Variants in PCDHA5 observed in about 807,000 individuals in gnomAD.
The protein encoded by PCDHA5 is protocadherin alpha 5, also known as protocadherin alpha-5.
In PCDHA5, 43 loss-of-function variants were observed where a neutral mutation model predicts 61.6. That is an observed-to-expected ratio of 0.70 (90% CI 0.55 to 0.90). PCDHA5 has a LOEUF of 0.90. Ranked by LOEUF, PCDHA5 falls within the 40% of genes least tolerant of loss-of-function variation. The pLI, the probability that PCDHA5 is intolerant of heterozygous loss-of-function variation, is 0.00. For synonymous variants in PCDHA5, 627 were observed against 543.9 expected, an observed-to-expected ratio of 1.15 and a Z score of -2.13; for missense variants, 1,298 against 1,222.7, an observed-to-expected ratio of 1.06 and a Z score of -0.92.
chr5:140,952,724 C>T (rs1481919445), intron 1 of PCDHA5, among the ~76,000 whole-genome samples: 1 of 152,100 alleles, frequency 6.6e-6, no homozygotes, highest in African/African-American at 2.4e-5. Flanking sequence ...ATTTTCTGTA[C>T]TAGTCTTTTC....
At chr5:140,871,861 T>C (rs1554165885) in intron 1 of PCDHA5, among the ~76,000 whole-genome samples, 1 of 152,272 alleles carries the variant, frequency 6.6e-6, no homozygotes, top group East Asian at 1.9e-4. Flanking sequence ...ATAATAACTA[T>C]GGATTATTTA....
chr5:140,884,053 C>G (rs782043806), intron 1 of PCDHA5: 1 of 1,613,496 alleles, frequency 6.2e-7, no homozygotes, highest in Admixed American at 1.7e-5. Context: ...CGAAGGTGCG[C>G]GCGGTGGACG....
intron 1 of PCDHA5, among the ~76,000 whole-genome samples, chr5:140,926,081 T>C (rs2153580512): frequency 6.6e-6 from 1 of 152,334 alleles, no homozygotes; most frequent in Admixed American, 6.5e-5. Flanking sequence ...TCTATTGCCC[T>C]CTTGGCAGCT....
intron 1 of PCDHA5, among the ~76,000 whole-genome samples, chr5:140,941,207 C>CTTCCTTTCTT (rs1563185091): frequency 3.9e-5 from 4 of 103,272 alleles, no homozygotes; most frequent in African/African-American, 1.7e-4. Context: ...TTCTTCCTTT[C>CTTCCTTTCTT]TTTCTTCCTT....
chr5:140,863,748 C>G (rs1221413981), intron 1 of PCDHA5: 1 of 241,166 alleles, frequency 4.1e-6, no homozygotes, highest in Non-Finnish European at 8.2e-6. Flanking sequence ...TTTGTAATCC[C>G]GGCACTTTGG....
chr5:140,888,233 C>T (rs544193607), intron 1 of PCDHA5, among the ~76,000 whole-genome samples: 6 of 152,142 alleles, frequency 3.9e-5, no homozygotes, highest in South Asian at 4.1e-4. Flanking sequence ...CATGTGTGTG[C>T]GTGTTCCTTT....
At chr5:140,993,462 T>TCACACACACACACACA (rs3836747) in intron 3 of PCDHA5, among the ~76,000 whole-genome samples, 10 of 140,938 alleles carry the variant, frequency 7.1e-5, no homozygotes, top group African/African-American at 2.4e-4. Flanking sequence ...TCTTTCTTTC[T>TCACACACACACACACA]CACACACACA....
chr5:140,932,704 A>G (rs1365268266), intron 1 of PCDHA5, among the ~76,000 whole-genome samples: 1 of 151,932 alleles, frequency 6.6e-6, no homozygotes, highest in Non-Finnish European at 1.5e-5. Context: ...ACTCATATAG[A>G]CAACACAATA....
rs567371259 is a variant in PCDHA5, at chr5:140,910,950, G to A, written c.2353-67999G>A. ...TAAGAAAGCTCAAGCAGTTCTTTTC[G>A]AGTGTAGCACACCTCCTCATGGGTT... On this transcript the variant is annotated intron_variant, in intron 1 of 3. Coordinates refer to ENST00000529859, the MANE Select transcript of PCDHA5 (RefSeq NM_018908.3). Among the ~76,000 whole-genome samples, 203 of 152,092 alleles carry A rather than the reference G, an allele frequency of 1.3e-3. 1 individual carries two copies. Among genetic ancestry groups the A allele is most frequent in the Non-Finnish European group, 2.4e-3 (165 of 68,000 alleles).
At chr5:140,871,728 G>A in intron 1 of PCDHA5, 1 of 724,824 alleles carries the variant, frequency 1.4e-6, no homozygotes, top group South Asian at 2.4e-5. Flanking sequence ...CTTAATATTT[G>A]GTTAGCAAAT....
At chr5:140,850,455 C>T (rs2150484906) in intron 1 of PCDHA5, 1 of 1,597,620 alleles carries the variant, frequency 6.3e-7, no homozygotes, top group Admixed American at 1.7e-5. Context: ...GGTGAAAGAC[C>T]ACGGGGAGCC....
chr5:140,892,304 G>A (rs1301333753), intron 1 of PCDHA5, among the ~76,000 whole-genome samples: 1 of 152,004 alleles, frequency 6.6e-6, no homozygotes, highest in East Asian at 1.9e-4. Context: ...AAATAATTTG[G>A]GGCTTATAAC....
intron 3 of PCDHA5, among the ~76,000 whole-genome samples, chr5:141,007,672 A>G (rs782403242): frequency 6.6e-6 from 1 of 152,194 alleles, no homozygotes; most frequent in African/African-American, 2.4e-5. Context: ...TACAAAGACA[A>G]AAGTTATCCT....
At chr5:140,915,589 T>C (rs1398530314) in intron 1 of PCDHA5, among the ~76,000 whole-genome samples, 1 of 151,900 alleles carries the variant, frequency 6.6e-6, no homozygotes, top group African/African-American at 2.4e-5. Context: ...AAAGCACTTG[T>C]TCTTTTCCCT....
intron 1 of PCDHA5, among the ~76,000 whole-genome samples, chr5:140,902,203 C>CTTTTT (rs148688132): frequency 5.6e-5 from 7 of 124,458 alleles, no homozygotes; most frequent in South Asian, 2.5e-4. Context: ...CTCTCTCTTT[C>CTTTTT]TTTTTTTTTT....
chr5:140,874,111 G>T (rs977519429), intron 1 of PCDHA5, among the ~76,000 whole-genome samples: 2 of 152,056 alleles, frequency 1.3e-5, no homozygotes, highest in Non-Finnish European at 2.9e-5. Flanking sequence ...ATTACTTAAC[G>T]TTTTATAGTT....
At position 140,849,933 on chromosome 5, in the gene PCDHA5, C is replaced by G. The variant is rs2150458258; in HGVS notation, c.2352+25806C>G. Reference sequence around the variant, plus strand: ...CTGCCACATCTTCACGGTGTCTGCGCGGGACGCTGACGCGCAGGAGAACGC... The same window carrying G: ...CTGCCACATCTTCACGGTGTCTGCGGGGGACGCTGACGCGCAGGAGAACGC... On this transcript the variant is annotated intron_variant, in intron 1 of 3. Transcript: ENST00000529859. 8.1e-6 allele frequency: 13 copies of G among 1,598,002 alleles called. 1 individual carries two copies. In the African/African-American group the frequency reaches 1.2e-4, roughly 15 times the overall value.
intron 1 of PCDHA5, chr5:140,928,844 C>G (rs782361945): frequency 6.2e-7 from 1 of 1,614,168 alleles, no homozygotes; most frequent in Admixed American, 1.7e-5. Context: ...TCCTCTGTCA[C>G]TCTGGGTGTG....
intron 1 of PCDHA5, chr5:140,830,193 T>G: frequency 6.2e-7 from 1 of 1,613,664 alleles, no homozygotes; most frequent in Non-Finnish European, 8.5e-7. Flanking sequence ...GTGTACCTGA[T>G]CATCGCCATC....
Sources: allele counts gnomAD v4.1 joint callset (sites outside exome capture counted in the v4.1 genomes callset), GRCh38; gene constraint gnomAD v4.1.1; transcripts MANE v1.5; gene names NCBI Gene and HGNC (gene_info 2026-07-23, HGNC 2026-07-21).